CBFA2T3: variants seen among roughly 807,000 people sequenced by gnomAD.
CBFA2T3 encodes the protein transcriptional corepressor CBFA2T3.
Under a neutral mutation model 58.6 loss-of-function variants are expected in CBFA2T3, and 31 were observed. That is an observed-to-expected ratio of 0.53 (90% CI 0.40 to 0.71). The LOEUF (loss-of-function observed/expected upper bound fraction) is 0.71, where lower values mean the gene tolerates loss of function less well. Among genes scored for constraint, CBFA2T3 ranks in the 30% least tolerant of loss-of-function variants. The pLI, the probability that CBFA2T3 is intolerant of heterozygous loss-of-function variation, is 0.00. For synonymous variants in CBFA2T3, 531 were observed against 421.9 expected (o/e 1.26, Z -3.17); for missense variants, 1,076 against 963.1 (o/e 1.12, Z -1.55).
intron 11 of CBFA2T3, 107 bp from the exon 12 acceptor site, chr16:88,877,382 A>T: frequency 1.1e-6 from 1 of 906,698 alleles, no homozygotes; most frequent in South Asian, 1.7e-5. Flanking sequence ...ACCAGGTGAG[A>T]AGAGAGAAAC....
In CBFA2T3 at chr16:88,953,335, G is replaced by A. The variant is rs1016198926; in HGVS notation, c.151+23322C>T. 2.1e-4 allele frequency among the ~76,000 whole-genome samples: 32 copies of A among 152,354 alleles called. No individual in the cohort carries two copies. The highest frequency in any genetic ancestry group is 7.5e-4 in the African/African-American group (31 of 41,580). ...CAGTGGTGAAGGTTCACGGAAGAAC[G>A]AAGGAAGGAGTGAGCGTGGGGAGAG... On this transcript the variant is annotated intron_variant, in intron 1 of 11. Coordinates refer to ENST00000268679, the MANE Select transcript of CBFA2T3 (RefSeq NM_005187.6). The surrounding 1 kb of genome is among the most constrained non-coding windows in gnomAD (Gnocchi z 4.9).
rs537872388 is a variant in CBFA2T3, at chr16:88,973,979, C to T, written c.151+2678G>A. On this transcript the variant is annotated intron_variant, in intron 1 of 11. Coordinates refer to ENST00000268679, the MANE Select transcript of CBFA2T3 (RefSeq NM_005187.6). ...ACCCCTCCACTGATAGTGCTCACCA[C>T]CTCCCCGAGATCCCACGTCGTCCCT... Among the ~76,000 whole-genome samples the T allele has an allele frequency of 6.6e-4, 100 of 152,252 alleles. 1 individual carries two copies. The South Asian group carries it at 0.02, about 30-fold the overall frequency.
intron 1 of CBFA2T3, chr16:88,941,859 GT>G (rs1457604656): frequency 3.2e-5 from 4 of 123,412 alleles, no homozygotes; most frequent in African/African-American, 5.3e-5. Flanking sequence ...GTTGGGGGGT[GT>G]GGGGGGGGTG....
At chr16:88,903,891 C>T (rs1244282780) in intron 1 of CBFA2T3, among the ~76,000 whole-genome samples, 1 of 152,248 alleles carries the variant, frequency 6.6e-6, no homozygotes, top group East Asian at 1.9e-4. Context: ...GAGGCGGCTA[C>T]ATTTGAGCCA....
In CBFA2T3 at chr16:88,886,127, G is replaced by T; in HGVS notation, c.727C>A (p.Leu243Met). Reference sequence around the variant, plus strand: ...GCACAGTGCAGGAGCTCCCGCTGCAGCAAGGGCAGGTTTGCCTGTGGGGTG... The same window carrying T: ...GCACAGTGCAGGAGCTCCCGCTGCATCAAGGGCAGGTTTGCCTGTGGGGTG... ...IPFLKANLPL[L>M]QRELLHCARL... Residue 243 changes from leucine to methionine, a missense_variant, in exon 6 of 12, where the codon CTG becomes ATG. By Grantham distance (15) the Leu-to-Met change is conservative. Coordinates refer to ENST00000268679, the MANE Select transcript of CBFA2T3 (RefSeq NM_005187.6). The T allele has an allele frequency of 6.5e-7, 1 of 1,547,278 alleles. No individual in the cohort carries two copies. The highest frequency in any genetic ancestry group is 8.7e-7 in the Non-Finnish European group (1 of 1,152,474).
At chr16:88,894,526 CAT>C (rs1340354791) in intron 3 of CBFA2T3, among the ~76,000 whole-genome samples, 2 of 130,994 alleles carry the variant, frequency 1.5e-5, no homozygotes, top group Non-Finnish European at 3.2e-5. Flanking sequence ...CACATGCATA[CAT>C]ATACACATGC....
chr16:88,917,184 C>T (rs528247931), intron 1 of CBFA2T3, among the ~76,000 whole-genome samples: 1 of 152,204 alleles, frequency 6.6e-6, no homozygotes. Context: ...CAGGAGTTAG[C>T]TGGCCCTGCC....
rs1273370545 is a variant in CBFA2T3, at chr16:88,876,488, TAGC to T, written c.*485_*487del. The T allele has an allele frequency of 8.7e-6, 2 of 230,426 alleles. No homozygotes were observed. Among genetic ancestry groups the T allele is most frequent in the Non-Finnish European group, 1.7e-5 (2 of 116,514 alleles). 14.3% of individuals were successfully genotyped at this position (230,426 alleles called of 1,614,324 possible). A position where few individuals can be genotyped will look rare whatever the true frequency, so the allele number is the denominator to read the frequency against. ...CCCGTTTTCTTTGTCCATTTCTGAG[TAGC>T]TCTTTTGCCAACACACAAAACCCCC... On this transcript the variant is annotated 3_prime_UTR_variant, in exon 12 of 12. Coordinates refer to ENST00000268679, the MANE Select transcript of CBFA2T3 (RefSeq NM_005187.6).
chr16:88,960,273 G>A (rs9888966), intron 1 of CBFA2T3, among the ~76,000 whole-genome samples: 18,496 of 152,210 alleles, frequency 0.12, 1,361 homozygotes, highest in Middle Eastern at 0.25. Flanking sequence ...AGTTCAATGT[G>A]GACGGCATCT....
chr16:88,875,080 G>A lies in CBFA2T3; in HGVS notation c.*1896C>T, dbSNP rs567800970. On this transcript the variant is annotated 3_prime_UTR_variant, in exon 12 of 12. Coordinates refer to ENST00000268679, the MANE Select transcript of CBFA2T3 (RefSeq NM_005187.6). ...ACACAGATGCCAGGCCACGGGCCAC[G>A]CCACGCGCACAGATGCCAGGCCACG... The A allele has an allele frequency of 2.2e-4, 52 of 234,394 alleles. No homozygotes were observed. The highest frequency in any genetic ancestry group is 1.3e-3 in the Middle Eastern group (1 of 792). 14.5% of individuals were successfully genotyped at this position (234,394 alleles called of 1,614,324 possible). A position where few individuals can be genotyped will look rare whatever the true frequency, so the allele number is the denominator to read the frequency against.
chr16:88,928,505 G>A (rs940805622), intron 1 of CBFA2T3, among the ~76,000 whole-genome samples: 4 of 152,238 alleles, frequency 2.6e-5, no homozygotes, highest in Admixed American at 2.0e-4. Context: ...CAAATACGAC[G>A]GCAGCTTGCA....
intron 1 of CBFA2T3, among the ~76,000 whole-genome samples, chr16:88,974,823 G>C (rs551703963): frequency 3.4e-4 from 51 of 152,182 alleles, no homozygotes; most frequent in African/African-American, 1.2e-3. Context: ...GAGGCTTTCT[G>C]GCATCACAAG....
chr16:88,968,594 C>T (rs1254300235), intron 1 of CBFA2T3, among the ~76,000 whole-genome samples: 6 of 152,212 alleles, frequency 3.9e-5, no homozygotes, highest in Non-Finnish European at 8.8e-5. Flanking sequence ...AACCCTTGGT[C>T]TAGAATATGC....
chr16:88,881,185 A>G, intron 9 of CBFA2T3, 106 bp downstream of exon 9: 2 of 1,035,128 alleles, frequency 1.9e-6, no homozygotes, highest in Non-Finnish European at 3.0e-6. Flanking sequence ...CTCAAGCGAA[A>G]CTGTTCTGCC....
intron 1 of CBFA2T3, among the ~76,000 whole-genome samples, chr16:88,927,879 T>TCG (rs1464309357): frequency 6.6e-6 from 1 of 152,160 alleles, no homozygotes; most frequent in Non-Finnish European, 1.5e-5. Context: ...GAAAGGCGCC[T>TCG]CGTGACACGC....
chr16:88,913,591 C>T (rs1970596403), intron 1 of CBFA2T3, among the ~76,000 whole-genome samples: 1 of 152,192 alleles, frequency 6.6e-6, no homozygotes, highest in Non-Finnish European at 1.5e-5. Context: ...AACCAGGCCT[C>T]AGATGCCAAT....
At chr16:88,955,970 G>C (rs1972209011) in intron 1 of CBFA2T3, among the ~76,000 whole-genome samples, 1 of 149,972 alleles carries the variant, frequency 6.7e-6, no homozygotes, top group Non-Finnish European at 1.5e-5. Flanking sequence ...CAAGGCTCCT[G>C]ACCCCGCCCA....
Position 88,875,585 on chromosome 16 carries a change from A to T in CBFA2T3, c.*1391T>A. The T allele has an allele frequency of 4.3e-6, 1 of 230,790 alleles. No individual in the cohort carries two copies. The highest frequency in any genetic ancestry group is 8.5e-6 in the Non-Finnish European group (1 of 117,538). The allele number at this position is 230,790 out of a possible 1,614,324, so 14.3% of individuals were successfully genotyped here. A position where few individuals can be genotyped will look rare whatever the true frequency, so the allele number is the denominator to read the frequency against. On this transcript the variant is annotated 3_prime_UTR_variant, in exon 12 of 12. Transcript: ENST00000268679. ...TGGGGCGATGGGGCCGAGAGGTTGG[A>T]GTTGGGGCGATGGGGCTGAGAGAGG...
At chr16:88,951,304 G>T (rs1466580617) in intron 1 of CBFA2T3, 7 of 456,604 alleles carry the variant, frequency 1.5e-5, no homozygotes, top group South Asian at 6.2e-5. Context: ...AGCACAGAGG[G>T]TCGAGTGTTG....
Sources: gnomAD v4.1 joint callset for allele counts (sites outside exome capture counted in the v4.1 genomes callset) on GRCh38, gnomAD v4.1.1 for gene constraint, Gnocchi (gnomAD v3.1) non-coding constraint, MANE v1.5 for transcripts, NCBI Gene and HGNC (gene_info 2026-07-23, HGNC 2026-07-21) for gene names.